GRAMD1B: variants seen among roughly 807,000 people sequenced by gnomAD.
The protein encoded by GRAMD1B is protein Aster-B.
GRAMD1B carries 37 observed loss-of-function variants against 99.7 expected under a neutral mutation model. The observed-to-expected ratio is 0.37, with a 90% CI of 0.29 to 0.49. GRAMD1B has a LOEUF of 0.49. Ranked by LOEUF, GRAMD1B falls within the 20% of genes least tolerant of loss-of-function variation. GRAMD1B has a pLI of 0.98. For synonymous variants in GRAMD1B, 427 were observed against 387.6 expected, an observed-to-expected ratio of 1.10 and a Z score of -1.19; for missense variants, 888 against 1,009.2, an observed-to-expected ratio of 0.88 and a Z score of 1.63.
chr11:123,506,060 A>T (rs1940393375), intron 2 of GRAMD1B, among the ~76,000 whole-genome samples: 1 of 152,120 alleles, frequency 6.6e-6, no homozygotes, highest in South Asian at 2.1e-4. Context: ...AAAGCATCTG[A>T]TCTGTATTTA....
chr11:123,375,476 C>T (rs906973546), intron 1 of GRAMD1B, among the ~76,000 whole-genome samples: 2 of 152,058 alleles, frequency 1.3e-5, no homozygotes, highest in Admixed American at 6.6e-5. Context: ...TTGTAAGATG[C>T]TATATTAGAT....
intron 1 of GRAMD1B, among the ~76,000 whole-genome samples, chr11:123,463,395 C>T (rs774939995): frequency 1.3e-5 from 2 of 152,208 alleles, no homozygotes; most frequent in Non-Finnish European, 2.9e-5. Flanking sequence ...GAAGCATATA[C>T]ATGGGAGCAC....
At chr11:123,461,421 C>G (rs1950407589) in intron 1 of GRAMD1B, among the ~76,000 whole-genome samples, 1 of 152,224 alleles carries the variant, frequency 6.6e-6, no homozygotes, top group East Asian at 1.9e-4. Flanking sequence ...GCTGGCCTCT[C>G]TGGTTCCCAA....
In GRAMD1B at chr11:123,587,004, G is replaced by A. The variant is rs907770764; in HGVS notation, c.684+2672G>A. Among the ~76,000 whole-genome samples the A allele has an allele frequency of 9.2e-5, 14 of 152,344 alleles. No individual in the cohort carries two copies. Among genetic ancestry groups the A allele is most frequent in the African/African-American group, 2.6e-4 (11 of 41,588 alleles). ...TCAGGGCAGTGAGGGCCAGTGCCCT[G>A]CAGAATCGCTGATAGTGGCAAGAGC... On this transcript the variant is annotated intron_variant, in intron 4 of 19. Coordinates refer to ENST00000635736, the MANE Select transcript of GRAMD1B (RefSeq NM_001387025.1). The surrounding 1 kb of genome is among the most constrained non-coding windows in gnomAD (Gnocchi z 4.2).
chr11:123,377,039 G>A (rs774881334), intron 1 of GRAMD1B, among the ~76,000 whole-genome samples: 14 of 152,032 alleles, frequency 9.2e-5, no homozygotes, highest in South Asian at 2.1e-4. Flanking sequence ...ATCCATTTTC[G>A]CCTGCCTGAA....
Position 123,384,549 on chromosome 11 carries a change from T to A in GRAMD1B, c.-176+25750T>A, listed in dbSNP as rs148049924. ...AGTAATTGATTATTTATTTGACTGT[T>A]TCTTCCTGTTGCTCCTCCTGTAACA... On this transcript the variant is annotated intron_variant, in intron 1 of 20. Coordinates refer to the GRAMD1B transcript ENST00000638157. Among the ~76,000 whole-genome samples, 3 of 152,328 alleles carry A rather than the reference T, an allele frequency of 2.0e-5. No individual in the cohort carries two copies. In the East Asian group the frequency reaches 5.8e-4, roughly 29 times the overall value.
At chr11:123,596,115 G>T in intron 7 of GRAMD1B, 78 bp downstream of exon 7, 1 of 782,292 alleles carries the variant, frequency 1.3e-6, no homozygotes, top group Non-Finnish European at 2.1e-6. Flanking sequence ...TTCTTGAATC[G>T]CATGAATGTG....
At chr11:123,460,924 T>C (rs953052148) in intron 1 of GRAMD1B, among the ~76,000 whole-genome samples, 3 of 152,134 alleles carry the variant, frequency 2.0e-5, no homozygotes, top group Non-Finnish European at 4.4e-5. Context: ...TCTCCTTTCC[T>C]TGGGCGCCTC....
intron 1 of GRAMD1B, among the ~76,000 whole-genome samples, chr11:123,368,275 A>AAAAAAAAAAAAAAGAAAG (rs60644137): frequency 2.4e-5 from 3 of 127,108 alleles, no homozygotes; most frequent in Non-Finnish European, 3.1e-5. Context: ...AAAAAAAAAA[A>AAAAAAAAAAAAAAGAAAG]AAAGAAAGAA....
intron 1 of GRAMD1B, chr11:123,460,004 G>C (rs1013037398): frequency 6.6e-6 from 1 of 152,184 alleles, no homozygotes. Context: ...TTCAAGTTCA[G>C]TGGGTCCCAG....
At chr11:123,390,449 T>G (rs1035066401) in intron 1 of GRAMD1B, among the ~76,000 whole-genome samples, 1 of 152,156 alleles carries the variant, frequency 6.6e-6, no homozygotes, top group Admixed American at 6.5e-5. Flanking sequence ...CCAATCTTCC[T>G]TGAGCATCTA....
chr11:123,402,955 AG>A (rs1245629636), intron 1 of GRAMD1B, among the ~76,000 whole-genome samples: 2 of 135,674 alleles, frequency 1.5e-5, no homozygotes, highest in Non-Finnish European at 3.1e-5. Flanking sequence ...ATATACCCAA[AG>A]GATTAAAAAT....
At chr11:123,557,602 G>A (rs1946293311) in intron 2 of GRAMD1B, among the ~76,000 whole-genome samples, 1 of 152,198 alleles carries the variant, frequency 6.6e-6, no homozygotes, top group African/African-American at 2.4e-5. Context: ...GTGAGAAGCA[G>A]GTTGCATGTA....
chr11:123,594,583 C>T (rs1951044794), intron 5 of GRAMD1B, among the ~76,000 whole-genome samples, 152 bp from the exon 6 acceptor site: 1 of 152,162 alleles, frequency 6.6e-6, no homozygotes, highest in Non-Finnish European at 1.5e-5. Flanking sequence ...TAGGGACTTC[C>T]TTGGCTGCTA....
At chr11:123,408,025 A>G (rs930454239) in intron 1 of GRAMD1B, among the ~76,000 whole-genome samples, 2 of 152,190 alleles carry the variant, frequency 1.3e-5, no homozygotes, top group Non-Finnish European at 1.5e-5. Flanking sequence ...TTCAAACGAG[A>G]TAATGTAGAT....
chr11:123,445,850 A>G (rs1949619114), intron 1 of GRAMD1B, among the ~76,000 whole-genome samples: 1 of 151,716 alleles, frequency 6.6e-6, no homozygotes, highest in Non-Finnish European at 1.5e-5. Context: ...AAGACAAACA[A>G]ACAAAAACAA....
At chr11:123,479,350 A>G (rs1951465920) in intron 1 of GRAMD1B, among the ~76,000 whole-genome samples, 1 of 152,204 alleles carries the variant, frequency 6.6e-6, no homozygotes, top group Non-Finnish European at 1.5e-5. Flanking sequence ...GCTTTGGCTG[A>G]GAGTGTACAG....
intron 1 of GRAMD1B, among the ~76,000 whole-genome samples, chr11:123,401,053 A>G (rs548456748): frequency 1.3e-5 from 2 of 152,328 alleles, no homozygotes; most frequent in Admixed American, 6.5e-5. Flanking sequence ...AGCAATTTAT[A>G]TATTTTAACT....
intron 2 of GRAMD1B, among the ~76,000 whole-genome samples, chr11:123,556,427 A>G (rs1297028617): frequency 2.6e-5 from 4 of 152,216 alleles, no homozygotes; most frequent in South Asian, 2.1e-4. Context: ...TACTATGTAG[A>G]CACTGACCCT....
Sources: allele counts gnomAD v4.1 joint callset (sites outside exome capture counted in the v4.1 genomes callset), GRCh38; gene constraint gnomAD v4.1.1; non-coding constraint Gnocchi (gnomAD v3.1); transcripts MANE v1.5; gene names NCBI Gene and HGNC (gene_info 2026-07-23, HGNC 2026-07-21).